The following FKBP5 variants were observed in gnomAD, a reference collection of about 807,000 sequenced individuals.
FKBP5 encodes the protein FKBP prolyl isomerase 5.
FKBP5 carries 23 observed loss-of-function variants against 50.5 expected under a neutral mutation model. The ratio of observed to expected loss-of-function variants is 0.46; its 90% CI spans 0.33 to 0.65. FKBP5 has a LOEUF of 0.65. Among genes scored for constraint, FKBP5 ranks in the 30% least tolerant of loss-of-function variants. The pLI, the probability that FKBP5 is intolerant of heterozygous loss-of-function variation, is 0.02. For missense variants in FKBP5, 411 were observed against 553.1 expected (o/e 0.74, Z 2.58); for synonymous variants, 176 against 190.6 (o/e 0.92, Z 0.63).
At chr6:35,642,598 T>C in intron 2 of FKBP5, 122 bp downstream of exon 2, 1 of 648,836 alleles carries the variant, frequency 1.5e-6, no homozygotes, top group South Asian at 2.4e-5. Flanking sequence ...AATCTAGCTC[T>C]AGTGTTTGGC....
At chr6:35,651,374 T>C (rs1764793852) in intron 1 of FKBP5, among the ~76,000 whole-genome samples, 1 of 152,218 alleles carries the variant, frequency 6.6e-6, no homozygotes. Flanking sequence ...TTATTCTTTC[T>C]CTTCAATTTA....
intron 7 of FKBP5, among the ~76,000 whole-genome samples, chr6:35,589,930 T>G (rs1044495327): frequency 6.6e-6 from 1 of 152,200 alleles, no homozygotes; most frequent in African/African-American, 2.4e-5. Context: ...AGCCCAAAGG[T>G]ACAGGCCCAC....
At chr6:35,664,482 G>T (rs1765160630) in intron 1 of FKBP5, among the ~76,000 whole-genome samples, 1 of 152,024 alleles carries the variant, frequency 6.6e-6, no homozygotes, top group Non-Finnish European at 1.5e-5. Context: ...AGAACAATGT[G>T]GTATCTACAG....
At chr6:35,635,026 C>CAAAAAAAAAAAAAAAAAAAAAAA (rs35794477) in intron 3 of FKBP5, among the ~76,000 whole-genome samples, 1 of 75,140 alleles carries the variant, frequency 1.3e-5, no homozygotes, top group African/African-American at 5.5e-5. Context: ...CCTGTCTCTA[C>CAAAAAAAAAAAAAAAAAAAAAAA]AAAAAAAAAA....
intron 1 of FKBP5, among the ~76,000 whole-genome samples, chr6:35,645,906 A>G (rs1764616159): frequency 6.6e-6 from 1 of 152,190 alleles, no homozygotes; most frequent in South Asian, 2.1e-4. Context: ...ACTTGAGGCC[A>G]GGAGTTTGAG....
chr6:35,633,173 GAATAATATTTATACTAC>G lies in FKBP5; in HGVS notation c.250+3824_250+3840del, dbSNP rs1383440408. Among the ~76,000 whole-genome samples, 43 of 152,160 alleles carry G rather than the reference GAATAATATTTATACTAC, an allele frequency of 2.8e-4. No homozygotes were observed. In the East Asian group the frequency reaches 7.7e-3, roughly 27 times the overall value. ...ATATAAGGGATCAATGGAGTTCAATGAATAATATTTATACTACTGTCCATTTATATTATTTTCTTCAT... is the reference window on the plus strand; with the variant it reads ...ATATAAGGGATCAATGGAGTTCAATGTGTCCATTTATATTATTTTCTTCAT... On this transcript the variant is annotated intron_variant, in intron 3 of 10. Coordinates refer to ENST00000357266, the MANE Select transcript of FKBP5 (RefSeq NM_004117.4).
At chr6:35,719,386 G>A (rs527665722) in intron 2 of FKBP5, among the ~76,000 whole-genome samples, 1 of 152,146 alleles carries the variant, frequency 6.6e-6, no homozygotes, top group African/African-American at 2.4e-5. Flanking sequence ...CTTGATCTAG[G>A]TGATGGTTAC....
At chr6:35,726,899 C>A (rs1766724766) in intron 1 of FKBP5, among the ~76,000 whole-genome samples, 1 of 152,118 alleles carries the variant, frequency 6.6e-6, no homozygotes, top group African/African-American at 2.4e-5. Flanking sequence ...TTGTTTCTGC[C>A]TCAAGGACTT....
intron 8 of FKBP5, chr6:35,585,317 C>T: frequency 1.0e-6 from 1 of 980,402 alleles, no homozygotes; most frequent in Non-Finnish European, 1.2e-6. Flanking sequence ...TTTGGATATA[C>T]AAATAACCCA....
chr6:35,677,348 C>T (rs1561890529), intron 1 of FKBP5, among the ~76,000 whole-genome samples: 3 of 152,188 alleles, frequency 2.0e-5, no homozygotes, highest in Non-Finnish European at 2.9e-5. Context: ...GCTGGGATTA[C>T]AGGCATGAGC....
At chr6:35,680,705 A>G (rs938173985) in intron 1 of FKBP5, among the ~76,000 whole-genome samples, 1 of 152,242 alleles carries the variant, frequency 6.6e-6, no homozygotes, top group African/African-American at 2.4e-5. Flanking sequence ...TTTCCTGCCT[A>G]TGAAAAATAG....
Position 35,701,227 on chromosome 6 carries a change from G to T in FKBP5, c.-20+19101C>A, listed in dbSNP as rs9470081. On this transcript the variant is annotated intron_variant, in intron 2 of 11. Transcript: ENST00000536438. Reference sequence around the variant, plus strand: ...TTTTTGTTTGTTTGTTTGTTTGTTTGTTTTTGTTTTTTGTTTTTTTGTTTT... The same window carrying T: ...TTTTTGTTTGTTTGTTTGTTTGTTTTTTTTTGTTTTTTGTTTTTTTGTTTT... Among the ~76,000 whole-genome samples, 392 of 80,562 alleles carry T rather than the reference G, an allele frequency of 4.9e-3. 2 individuals carry two copies. Among genetic ancestry groups the T allele is most frequent in the African/African-American group, 0.012 (225 of 18,848 alleles). The allele number at this position is 80,562 out of a possible 152,430, so 52.9% of individuals were successfully genotyped here. A position where few individuals can be genotyped will look rare whatever the true frequency, so the allele number is the denominator to read the frequency against.
intron 2 of FKBP5, among the ~76,000 whole-genome samples, chr6:35,712,359 T>C (rs771955999): frequency 6.6e-5 from 10 of 152,094 alleles, no homozygotes; most frequent in African/African-American, 9.7e-5. Flanking sequence ...TACAGGGGAA[T>C]CTTAGAGAAG....
chr6:35,652,859 A>T (rs1432022358), intron 1 of FKBP5, among the ~76,000 whole-genome samples: 3 of 152,164 alleles, frequency 2.0e-5, no homozygotes, highest in Non-Finnish European at 4.4e-5. Context: ...CTTGTGGGGC[A>T]TCACGGATCC....
intron 5 of FKBP5, among the ~76,000 whole-genome samples, chr6:35,613,789 T>C (rs185628664): frequency 1.2e-3 from 190 of 152,304 alleles, no homozygotes; most frequent in Non-Finnish European, 2.4e-3. Context: ...AGACGGTCTT[T>C]TGAGTGAAAA....
chr6:35,716,019 A>G (rs1766505117), intron 2 of FKBP5, among the ~76,000 whole-genome samples: 1 of 152,150 alleles, frequency 6.6e-6, no homozygotes, highest in Admixed American at 6.5e-5. Context: ...TGGATGAGGT[A>G]GGGGAGGGCA....
chr6:35,576,116 C>T lies in FKBP5; in HGVS notation c.1267-174G>A, dbSNP rs186224671. ...CCAATAGTTAGAGTGGGAGCTTCACCTTTCTTTGGTTGACACATGGGACAG... is the reference window on the plus strand; with the variant it reads ...CCAATAGTTAGAGTGGGAGCTTCACTTTTCTTTGGTTGACACATGGGACAG... On this transcript the variant is annotated intron_variant, in intron 10 of 10. Transcript: ENST00000357266. Among the ~76,000 whole-genome samples the T allele has an allele frequency of 3.7e-3, 566 of 152,184 alleles. 2 individuals are homozygous for T. Among genetic ancestry groups the T allele is most frequent in the African/African-American group, 0.011 (437 of 41,520 alleles).
chr6:35,708,411 C>T (rs1766359417), intron 2 of FKBP5, among the ~76,000 whole-genome samples: 1 of 152,080 alleles, frequency 6.6e-6, no homozygotes, highest in Non-Finnish European at 1.5e-5. Flanking sequence ...ACCACCACGC[C>T]TGGGTAATTT....
chr6:35,656,419 G>A (rs374915452), intron 1 of FKBP5, among the ~76,000 whole-genome samples: 1 of 152,082 alleles, frequency 6.6e-6, no homozygotes, highest in East Asian at 1.9e-4. Context: ...ATAAATATAT[G>A]TTTTACTTTT....
Sources: allele counts gnomAD v4.1 joint callset (sites outside exome capture counted in the v4.1 genomes callset), GRCh38; gene constraint gnomAD v4.1.1; transcripts MANE v1.5; gene names NCBI Gene and HGNC (gene_info 2026-07-23, HGNC 2026-07-21).